MICAL2: variants seen among roughly 807,000 people sequenced by gnomAD.
The protein encoded by MICAL2 is [F-actin]-monooxygenase MICAL2.
MICAL2 carries 77 observed loss-of-function variants against 127.3 expected under a neutral mutation model. The observed-to-expected ratio is 0.60, with a 90% CI of 0.50 to 0.73. The LOEUF is 0.73. Ranked by LOEUF, MICAL2 falls within the 30% of genes least tolerant of loss-of-function variation. The pLI is 0.00. For missense variants in MICAL2, 1,351 were observed against 1,434.4 expected (o/e 0.94, Z 0.94); for synonymous variants, 570 against 551.1 (o/e 1.03, Z -0.48).
At chr11:12,197,471 T>C (rs932002983) in intron 3 of MICAL2, 4 of 152,252 alleles carry the variant, frequency 2.6e-5, no homozygotes, top group African/African-American at 9.6e-5. Context: ...ATTATTATTC[T>C]TGGTCTTCCC....
chr11:12,225,042 A>G (rs1163846657), intron 13 of MICAL2, among the ~76,000 whole-genome samples: 3 of 151,970 alleles, frequency 2.0e-5, no homozygotes, highest in African/African-American at 7.3e-5. Context: ...CGGCTTAGTG[A>G]TGGCACTCTT....
intron 32 of MICAL2, among the ~76,000 whole-genome samples, chr11:12,341,724 G>A (rs780202868): frequency 6.6e-6 from 1 of 152,116 alleles, no homozygotes; most frequent in Non-Finnish European, 1.5e-5. Context: ...CTACTTGGGA[G>A]GCTGAGGCAA....
chr11:12,141,786 G>C (rs1050791837), intron 2 of MICAL2, among the ~76,000 whole-genome samples: 1 of 152,222 alleles, frequency 6.6e-6, no homozygotes, highest in African/African-American at 2.4e-5. Flanking sequence ...TTGTGATCAG[G>C]GGTGACCAGA....
downstream of MICAL2, among the ~76,000 whole-genome samples, chr11:12,289,129 G>T (rs1056414842): frequency 6.6e-6 from 1 of 152,244 alleles, no homozygotes; most frequent in African/African-American, 2.4e-5. Flanking sequence ...CTACGAGAAA[G>T]GTTGCTGCTG....
chr11:12,265,949 C>G (rs1565287966), downstream of MICAL2, among the ~76,000 whole-genome samples: 1 of 151,874 alleles, frequency 6.6e-6, no homozygotes, highest in Non-Finnish European at 1.5e-5. Context: ...AACCCTGTCT[C>G]TACTAAAAAA....
downstream of MICAL2, among the ~76,000 whole-genome samples, chr11:12,288,138 C>T (rs1590722035): frequency 6.6e-6 from 1 of 152,210 alleles, no homozygotes; most frequent in African/African-American, 2.4e-5. Context: ...CCCAGGGCTG[C>T]ACTCTTGGGC....
chr11:12,297,434 G>A (rs1316737252), intron 29 of MICAL2, among the ~76,000 whole-genome samples: 1 of 151,878 alleles, frequency 6.6e-6, no homozygotes, highest in African/African-American at 2.4e-5. Context: ...ACCCTTTTTT[G>A]TAATGATACA....
intron 2 of MICAL2, among the ~76,000 whole-genome samples, chr11:12,150,025 G>C (rs545441061): frequency 3.3e-5 from 5 of 152,274 alleles, no homozygotes; most frequent in African/African-American, 1.2e-4. Context: ...TTGATGCACC[G>C]GGTGGCCTGT....
downstream of MICAL2, among the ~76,000 whole-genome samples, chr11:12,360,308 A>C (rs541018990): frequency 7.2e-5 from 11 of 152,208 alleles, no homozygotes; most frequent in Admixed American, 2.0e-4. Flanking sequence ...CAGGTGTTAT[A>C]ATTTGGAGAA....
At chr11:12,201,084 C>T (rs1457476096) in intron 3 of MICAL2, among the ~76,000 whole-genome samples, 1 of 151,894 alleles carries the variant, frequency 6.6e-6, no homozygotes, top group African/African-American at 2.4e-5. Context: ...AGCCAAGGAG[C>T]TGTTTGTGGA....
intron 15 of MICAL2, among the ~76,000 whole-genome samples, chr11:12,234,148 A>G (rs1858698382): frequency 6.6e-6 from 1 of 152,220 alleles, no homozygotes; most frequent in African/African-American, 2.4e-5. Flanking sequence ...CGGCCTCCCC[A>G]GGAATGCCCT....
intron 7 of MICAL2, among the ~76,000 whole-genome samples, chr11:12,214,564 C>A (rs1236659898): frequency 6.6e-6 from 1 of 152,192 alleles, no homozygotes; most frequent in Non-Finnish European, 1.5e-5. Flanking sequence ...CAGGGATTAG[C>A]AAACTATGGC....
intron 30 of MICAL2, among the ~76,000 whole-genome samples, chr11:12,320,184 G>C (rs1473862125): frequency 2.6e-5 from 4 of 152,144 alleles, no homozygotes; most frequent in Non-Finnish European, 5.9e-5. Flanking sequence ...AGAAGCACTA[G>C]AGGCAGATTG....
intron 2 of MICAL2, among the ~76,000 whole-genome samples, chr11:12,143,939 G>A (rs1462918891): frequency 2.0e-5 from 3 of 152,184 alleles, no homozygotes; most frequent in African/African-American, 7.2e-5. Flanking sequence ...CGGAGAGAGA[G>A]AGGGAAAGAG....
At chr11:12,115,826 G>A (rs765556905) in intron 1 of MICAL2, among the ~76,000 whole-genome samples, 5 of 152,050 alleles carry the variant, frequency 3.3e-5, no homozygotes, top group Non-Finnish European at 7.4e-5. Flanking sequence ...ATTTGAAGTA[G>A]GTAGACAGAA....
chr11:12,333,687 A>G (rs1265322930), intron 32 of MICAL2, among the ~76,000 whole-genome samples: 1 of 152,228 alleles, frequency 6.6e-6, no homozygotes, highest in Non-Finnish European at 1.5e-5. Context: ...GTGACTGGAT[A>G]TAAGCTCAAA....
At chr11:12,282,112 C>T (rs923181796) in intron 2 of MICAL2, among the ~76,000 whole-genome samples, 1 of 151,980 alleles carries the variant, frequency 6.6e-6, no homozygotes, top group Non-Finnish European at 1.5e-5. Context: ...AGGGCTGGGG[C>T]GGAAAGAACT....
intron 3 of MICAL2, among the ~76,000 whole-genome samples, chr11:12,175,021 G>C (rs1856683208): frequency 6.6e-6 from 1 of 152,086 alleles, no homozygotes; most frequent in African/African-American, 2.4e-5. Flanking sequence ...TACTTGGGAG[G>C]CTGAGATGGG....
At chr11:12,350,494 C>A (rs896692163) in intron 33 of MICAL2, among the ~76,000 whole-genome samples, 1 of 152,162 alleles carries the variant, frequency 6.6e-6, no homozygotes, top group Admixed American at 6.5e-5. Context: ...AAAAAAGTAA[C>A]ATTTAGTATC....
Sources: gnomAD v4.1 joint callset for allele counts (sites outside exome capture counted in the v4.1 genomes callset) on GRCh38, gnomAD v4.1.1 for gene constraint, MANE v1.5 for transcripts, NCBI Gene and HGNC (gene_info 2026-07-23, HGNC 2026-07-21) for gene names.